PDLIM5: variants seen among roughly 807,000 people sequenced by gnomAD.
PDLIM5 encodes PDZ and LIM domain protein 5.
PDLIM5 carries 34 observed loss-of-function variants against 64.2 expected under a neutral mutation model. The observed-to-expected ratio is 0.53, with a 90% confidence interval of 0.40 to 0.71. The LOEUF (loss-of-function observed/expected upper bound fraction) is 0.71. Among genes scored for constraint, PDLIM5 ranks in the 30% least tolerant of loss-of-function variants. The pLI is 0.00. For missense variants in PDLIM5, 683 were observed against 733.6 expected (o/e 0.93, Z 0.80); for synonymous variants, 253 against 269.1 (o/e 0.94, Z 0.59).
chr4:94,569,624 A>G (rs561101876), intron 3 of PDLIM5, among the ~76,000 whole-genome samples: 1 of 152,234 alleles, frequency 6.6e-6, no homozygotes, highest in African/African-American at 2.4e-5. Context: ...TTCCTGTCCA[A>G]TTTTACCCCT....
At chr4:94,564,822 A>G (rs1374378780) in intron 3 of PDLIM5, among the ~76,000 whole-genome samples, 2 of 150,712 alleles carry the variant, frequency 1.3e-5, no homozygotes, top group African/African-American at 4.9e-5. Context: ...CGCCCAGCTA[A>G]TTTTTTTGTA....
intron 2 of PDLIM5, among the ~76,000 whole-genome samples, chr4:94,459,275 G>T (rs1723657714): frequency 6.6e-6 from 1 of 152,062 alleles, no homozygotes. Flanking sequence ...TCAATATTTG[G>T]ATTACCTGAA....
chr4:94,582,793 A>G (rs760950982), intron 5 of PDLIM5: 9 of 1,040,730 alleles, frequency 8.6e-6, no homozygotes, highest in South Asian at 1.4e-5. Context: ...CTTGCTTTCA[A>G]TTTAATACTA....
At chr4:94,615,196 T>G in intron 7 of PDLIM5, among the ~76,000 whole-genome samples, 1 of 152,148 alleles carries the variant, frequency 6.6e-6, no homozygotes, top group Non-Finnish European at 1.5e-5. Flanking sequence ...TTACCCACAG[T>G]CACAGTAAAG....
At chr4:94,564,082 G>A (rs1479032872) in intron 3 of PDLIM5, among the ~76,000 whole-genome samples, 1 of 150,914 alleles carries the variant, frequency 6.6e-6, no homozygotes, top group Non-Finnish European at 1.5e-5. Context: ...TCCTGCCTCA[G>A]CCTCCTGGGT....
chr4:94,526,582 G>A (rs1250498409), intron 3 of PDLIM5, among the ~76,000 whole-genome samples: 3 of 152,042 alleles, frequency 2.0e-5, no homozygotes, highest in Non-Finnish European at 2.9e-5. Context: ...CATTGACAGT[G>A]CTACTGAAGA....
chr4:94,583,536 G>A (rs968613743), intron 5 of PDLIM5, among the ~76,000 whole-genome samples: 1 of 152,120 alleles, frequency 6.6e-6, no homozygotes, highest in Non-Finnish European at 1.5e-5. Flanking sequence ...AGAGTTGTCT[G>A]TTTTATGGCT....
chr4:94,518,457 C>A (rs1194805640), intron 2 of PDLIM5, among the ~76,000 whole-genome samples: 8 of 152,122 alleles, frequency 5.3e-5, no homozygotes, highest in African/African-American at 1.9e-4. Context: ...TTTATAAAGA[C>A]ACAGTACTAC....
intron 8 of PDLIM5, 104 bp downstream of exon 8, chr4:94,618,295 A>G: frequency 3.0e-6 from 2 of 660,070 alleles, no homozygotes; most frequent in Non-Finnish European, 4.9e-6. Flanking sequence ...CCCATTCTCA[A>G]TAACCTAAGA....
At chr4:94,634,407 A>G (rs1740396522) in intron 8 of PDLIM5, among the ~76,000 whole-genome samples, 1 of 152,208 alleles carries the variant, frequency 6.6e-6, no homozygotes, top group South Asian at 2.1e-4. Context: ...GTTTAGCAAT[A>G]CAGAAGCACT....
At chr4:94,604,345 A>G (rs368786833) in intron 7 of PDLIM5, among the ~76,000 whole-genome samples, 12 of 152,242 alleles carry the variant, frequency 7.9e-5, no homozygotes, top group East Asian at 7.7e-4. Flanking sequence ...TAATGTAGTC[A>G]TCTTCGGGCT....
intron 2 of PDLIM5, among the ~76,000 whole-genome samples, chr4:94,480,302 G>A (rs1340969073): frequency 6.6e-6 from 1 of 152,070 alleles, no homozygotes; most frequent in African/African-American, 2.4e-5. Flanking sequence ...TCTTGATTTG[G>A]GAATTAAATG....
intron 3 of PDLIM5, among the ~76,000 whole-genome samples, chr4:94,543,958 G>T (rs1201934036): frequency 6.6e-6 from 1 of 152,068 alleles, no homozygotes; most frequent in Non-Finnish European, 1.5e-5. Context: ...GGGATTGTCG[G>T]ATCATATGGT....
At chr4:94,584,189 T>G (rs1397306312) in intron 5 of PDLIM5, among the ~76,000 whole-genome samples, 2 of 152,228 alleles carry the variant, frequency 1.3e-5, no homozygotes, top group Non-Finnish European at 2.9e-5. Flanking sequence ...TAACACTTTC[T>G]GTACTCGTAT....
intron 3 of PDLIM5, among the ~76,000 whole-genome samples, chr4:94,548,202 C>T (rs1463025575): frequency 6.6e-6 from 1 of 152,118 alleles, no homozygotes; most frequent in Non-Finnish European, 1.5e-5. Context: ...GAGTAACTTA[C>T]ACAAGGTTAC....
chr4:94,589,533 T>G (rs1206781141), intron 7 of PDLIM5, among the ~76,000 whole-genome samples: 1 of 152,196 alleles, frequency 6.6e-6, no homozygotes, highest in African/African-American at 2.4e-5. Flanking sequence ...CATTTTATAT[T>G]CCTAGCTTAA....
At chr4:94,572,562 A>G (rs1038819493) in intron 3 of PDLIM5, among the ~76,000 whole-genome samples, 1 of 152,226 alleles carries the variant, frequency 6.6e-6, no homozygotes, top group Non-Finnish European at 1.5e-5. Context: ...TAAAGGCACA[A>G]TAATAACATA....
chr4:94,641,067 A>G (rs888490402), intron 9 of PDLIM5, among the ~76,000 whole-genome samples: 1 of 152,256 alleles, frequency 6.6e-6, no homozygotes. Flanking sequence ...AGCTTATTGA[A>G]TCTCTGAGTA....
intron 3 of PDLIM5, among the ~76,000 whole-genome samples, chr4:94,557,964 G>A (rs952828930): frequency 6.6e-6 from 1 of 152,080 alleles, no homozygotes; most frequent in African/African-American, 2.4e-5. Flanking sequence ...GTGGTGAAAG[G>A]GGGCATCCCT....
Sources: gnomAD v4.1 joint callset for allele counts (sites outside exome capture counted in the v4.1 genomes callset) on GRCh38, gnomAD v4.1.1 for gene constraint, MANE v1.5 for transcripts, NCBI Gene and HGNC (gene_info 2026-07-23, HGNC 2026-07-21) for gene names.